IPCEF1: variants seen among roughly 807,000 people sequenced by gnomAD.
IPCEF1 encodes interaction protein for cytohesin exchange factors 1.
In IPCEF1, 31 loss-of-function variants were observed where a neutral mutation model predicts 50.9. The observed-to-expected ratio is 0.61, with a 90% CI of 0.46 to 0.82. The LOEUF is 0.82. Ranked by LOEUF, IPCEF1 falls within the 40% of genes least tolerant of loss-of-function variation. The pLI is 0.00. For synonymous variants in IPCEF1, 181 were observed against 192.0 expected, an observed-to-expected ratio of 0.94 and a Z score of 0.47; for missense variants, 458 against 514.0, an observed-to-expected ratio of 0.89 and a Z score of 1.05.
intron 6 of IPCEF1, chr6:154,222,914 GAC>G (rs1778979933): frequency 2.0e-6 from 1 of 512,100 alleles, no homozygotes; most frequent in Non-Finnish European, 3.5e-6. Context: ...TTCCATCACA[GAC>G]ACAGTCATCA....
intron 1 of IPCEF1, among the ~76,000 whole-genome samples, chr6:154,348,401 A>G (rs1784070094): frequency 6.6e-6 from 1 of 152,210 alleles, no homozygotes; most frequent in Non-Finnish European, 1.5e-5. Context: ...CTTCTCTTTG[A>G]TAGACTGGCT....
chr6:154,237,949 T>C (rs368959093), intron 5 of IPCEF1, among the ~76,000 whole-genome samples: 4 of 152,368 alleles, frequency 2.6e-5, no homozygotes, highest in South Asian at 2.1e-4. Context: ...TGTGCACTTA[T>C]GTACTCTATT....
At chr6:154,172,522 G>A (rs1252791590) in intron 10 of IPCEF1, among the ~76,000 whole-genome samples, 2 of 152,184 alleles carry the variant, frequency 1.3e-5, no homozygotes, top group Admixed American at 6.5e-5. Flanking sequence ...CACACCCATG[G>A]AGCCTTGCTT....
chr6:154,224,058 T>A (rs1779067651), intron 5 of IPCEF1, among the ~76,000 whole-genome samples: 1 of 152,246 alleles, frequency 6.6e-6, no homozygotes, highest in Non-Finnish European at 1.5e-5. Context: ...AGCTAGATTG[T>A]TCGTCACCCA....
chr6:154,242,089 T>C (rs536523282), intron 5 of IPCEF1, among the ~76,000 whole-genome samples: 1 of 152,376 alleles, frequency 6.6e-6, no homozygotes, highest in Non-Finnish European at 1.5e-5. Context: ...TCGGCTATTA[T>C]GAGAATTCAA....
intron 1 of IPCEF1, among the ~76,000 whole-genome samples, chr6:154,291,116 A>G (rs924136619): frequency 2.0e-5 from 3 of 150,654 alleles, no homozygotes; most frequent in Admixed American, 1.3e-4. Context: ...CTGGTCTTGA[A>G]CTCCTGACCT....
chr6:154,246,921 A>G, intron 4 of IPCEF1, 161 bp from the exon 5 acceptor site: 1 of 511,250 alleles, frequency 2.0e-6, no homozygotes, highest in Admixed American at 4.8e-5. Flanking sequence ...TGCAAAACCT[A>G]TGCAAAACCA....
intron 2 of IPCEF1, among the ~76,000 whole-genome samples, chr6:154,289,370 C>A (rs1310778643): frequency 6.8e-6 from 1 of 147,808 alleles, no homozygotes; most frequent in East Asian, 1.9e-4. Context: ...TCTAAACATG[C>A]AATTGCTTGT....
intron 10 of IPCEF1, among the ~76,000 whole-genome samples, chr6:154,198,460 A>AT (rs1562536346): frequency 1.3e-5 from 2 of 152,114 alleles, no homozygotes; most frequent in Non-Finnish European, 2.9e-5. Context: ...TCTAATCTAG[A>AT]TAGTTGGCCT....
At chr6:154,350,295 C>A (rs1366696633) in intron 1 of IPCEF1, among the ~76,000 whole-genome samples, 1 of 152,168 alleles carries the variant, frequency 6.6e-6, no homozygotes. Flanking sequence ...AATATCCCCC[C>A]CAAATAGACG....
At chr6:154,287,160 C>CCTCTCT (rs10563787) in intron 2 of IPCEF1, among the ~76,000 whole-genome samples, 1 of 148,416 alleles carries the variant, frequency 6.7e-6, no homozygotes, top group African/African-American at 2.5e-5. Flanking sequence ...CCCTTCTCTC[C>CCTCTCT]CTCTCTCTCT....
intron 1 of IPCEF1, among the ~76,000 whole-genome samples, chr6:154,323,846 G>A (rs756419635): frequency 2.2e-4 from 34 of 152,162 alleles, no homozygotes; most frequent in Middle Eastern, 3.2e-3. Context: ...CCAACTGCTC[G>A]GGAGGCTGAG....
intron 1 of IPCEF1, among the ~76,000 whole-genome samples, chr6:154,331,397 A>G (rs1393958170): frequency 1.4e-5 from 2 of 138,236 alleles, no homozygotes; most frequent in African/African-American, 5.3e-5. Context: ...GAAAGAAAGA[A>G]AGAAAGAAAG....
intron 1 of IPCEF1, among the ~76,000 whole-genome samples, chr6:154,303,669 T>A (rs1782856858): frequency 6.6e-6 from 1 of 152,158 alleles, no homozygotes; most frequent in Non-Finnish European, 1.5e-5. Flanking sequence ...TGCCTGTAAT[T>A]CCAGCACTTT....
chr6:154,298,272 T>C (rs1026675377), intron 1 of IPCEF1, among the ~76,000 whole-genome samples: 7 of 152,232 alleles, frequency 4.6e-5, no homozygotes, highest in Non-Finnish European at 5.9e-5. Context: ...TAAAAACTTT[T>C]TCTAAGAAAA....
chr6:154,221,209 T>G, intron 7 of IPCEF1, 48 bp downstream of exon 7: 1 of 1,359,082 alleles, frequency 7.4e-7, no homozygotes, highest in South Asian at 1.2e-5. Context: ...AGGCTAAAGT[T>G]AAGTATATTC....
intron 1 of IPCEF1, among the ~76,000 whole-genome samples, chr6:154,317,684 A>T (rs886118831): frequency 2.6e-5 from 4 of 152,032 alleles, no homozygotes; most frequent in Admixed American, 2.6e-4. Flanking sequence ...CCACAATGAG[A>T]TACCACTACA....
chr6:154,296,612 G>A (rs931240059), intron 1 of IPCEF1, among the ~76,000 whole-genome samples: 9 of 152,090 alleles, frequency 5.9e-5, no homozygotes, highest in Non-Finnish European at 1.2e-4. Flanking sequence ...GGCAGATCAC[G>A]AGGTCAGGAG....
At chr6:154,324,765 G>A (rs919872119) in intron 1 of IPCEF1, among the ~76,000 whole-genome samples, 7 of 152,100 alleles carry the variant, frequency 4.6e-5, no homozygotes, top group Non-Finnish European at 1.0e-4. Context: ...CTGAGATCGC[G>A]CTACTGTACT....
Sources: gnomAD v4.1 joint callset for allele counts (sites outside exome capture counted in the v4.1 genomes callset) on GRCh38, gnomAD v4.1.1 for gene constraint, MANE v1.5 for transcripts, NCBI Gene and HGNC (gene_info 2026-07-23, HGNC 2026-07-21) for gene names.